RBFOX1: variants seen among roughly 807,000 people sequenced by gnomAD.
RBFOX1 encodes the protein RNA binding protein fox-1 homolog 1.
RBFOX1 carries 8 observed loss-of-function variants against 57.7 expected under a neutral mutation model. The ratio of observed to expected loss-of-function variants is 0.14; its 90% CI spans 0.08 to 0.25. The LOEUF (loss-of-function observed/expected upper bound fraction) is 0.25, where lower values mean the gene tolerates loss of function less well. RBFOX1 is among the 10% of genes least tolerant of loss of function. RBFOX1 has a pLI of 1.00. For missense variants in RBFOX1, 611 were observed against 548.5 expected (o/e 1.11, Z -1.14); for synonymous variants, 326 against 222.4 (o/e 1.47, Z -4.15).
intron 4 of RBFOX1, among the ~76,000 whole-genome samples, chr16:7,190,146 A>G (rs1360388341): frequency 1.3e-5 from 2 of 152,282 alleles, no homozygotes; most frequent in South Asian, 4.2e-4. Context: ...AGATTGTTCT[A>G]GGTCAGGAGT....
intron 4 of RBFOX1, among the ~76,000 whole-genome samples, chr16:7,321,467 A>T (rs1236321209): frequency 6.6e-6 from 1 of 152,138 alleles, no homozygotes; most frequent in Non-Finnish European, 1.5e-5. Flanking sequence ...GTTTTCAAAA[A>T]ACAAACAAAC....
At chr16:7,033,848 G>A (rs988112504) in intron 3 of RBFOX1, among the ~76,000 whole-genome samples, 1 of 151,930 alleles carries the variant, frequency 6.6e-6, no homozygotes, top group African/African-American at 2.4e-5. Context: ...ATCTGCCTGT[G>A]GGCCCAGCTA....
chr16:5,951,943 C>T (rs2059528651), intron 4 of RBFOX1, among the ~76,000 whole-genome samples: 1 of 151,578 alleles, frequency 6.6e-6, no homozygotes. Context: ...ACGTCAGAAT[C>T]ACCTGTGCTG....
At chr16:7,076,655 C>G (rs1373516492) in intron 4 of RBFOX1, among the ~76,000 whole-genome samples, 6 of 152,188 alleles carry the variant, frequency 3.9e-5, no homozygotes, top group Admixed American at 2.0e-4. Context: ...AATATACCAT[C>G]ATACTAACAA....
chr16:5,508,916 C>G (rs560508546), intron 2 of RBFOX1, among the ~76,000 whole-genome samples: 1 of 152,298 alleles, frequency 6.6e-6, no homozygotes, highest in South Asian at 2.1e-4. Flanking sequence ...GGTTCTGCCG[C>G]GTCTCTCCAG....
chr16:7,581,365 G>A (rs542704908), intron 6 of RBFOX1, among the ~76,000 whole-genome samples: 65 of 152,272 alleles, frequency 4.3e-4, no homozygotes, highest in African/African-American at 1.3e-3. Flanking sequence ...GTAAGACCAG[G>A]TGTGAATGAT....
At chr16:5,736,143 G>A (rs1256449137) in intron 3 of RBFOX1, among the ~76,000 whole-genome samples, 3 of 151,988 alleles carry the variant, frequency 2.0e-5, no homozygotes, top group East Asian at 1.9e-4. Flanking sequence ...TGTTACACGT[G>A]GACCCGTGGA....
chr16:5,726,344 C>T (rs1048179030), intron 3 of RBFOX1, among the ~76,000 whole-genome samples: 5 of 152,104 alleles, frequency 3.3e-5, no homozygotes, highest in Non-Finnish European at 7.4e-5. Context: ...CATGCTATGA[C>T]CGGCCCTCTC....
chr16:7,352,126 C>T (rs73565841), intron 4 of RBFOX1, among the ~76,000 whole-genome samples: 1 of 152,130 alleles, frequency 6.6e-6, no homozygotes, highest in Admixed American at 6.5e-5. Context: ...CAAAGCACCC[C>T]ACGGCAGAAA....
rs548002325 is a variant in RBFOX1 at position 7,195,046 on chromosome 16, A to AG, written c.27+142949dup. On this transcript the variant is annotated intron_variant, in intron 4 of 15. Coordinates refer to ENST00000550418, the MANE Select transcript of RBFOX1 (RefSeq NM_018723.4). ...AGTTGTTTATTGTTCTTCTAATTCTAGCAACAAAACTTTAAAAAATTATAC... is the reference window on the plus strand; with the variant it reads ...AGTTGTTTATTGTTCTTCTAATTCTAGGCAACAAAACTTTAAAAAATTATAC... Among the ~76,000 whole-genome samples the AG allele has an allele frequency of 2.5e-3, 306 of 124,240 alleles. 2 individuals are homozygous for AG. The highest frequency in any genetic ancestry group is 8.2e-3 in the African/African-American group (288 of 35,152). The allele number at this position is 124,240 out of a possible 152,430, so 81.5% of individuals were successfully genotyped here. A position where few individuals can be genotyped will look rare whatever the true frequency, so the allele number is the denominator to read the frequency against.
exon 3 of RBFOX1, chr16:5,598,972 G>A (rs1284604399): frequency 6.6e-7 from 1 of 1,523,498 alleles, no homozygotes; most frequent in Non-Finnish European, 8.8e-7. Context: ...GTAAGTAGAA[G>A]CATTTTGCTG....
chr16:6,668,917 G>T (rs1031874567), intron 3 of RBFOX1, among the ~76,000 whole-genome samples: 1 of 152,110 alleles, frequency 6.6e-6, no homozygotes, highest in African/African-American at 2.4e-5. Flanking sequence ...TTCAAAGATT[G>T]TTCTGTCATC....
chr16:6,483,450 C>G (rs750224133), intron 2 of RBFOX1: 2 of 1,535,598 alleles, frequency 1.3e-6, no homozygotes, highest in East Asian at 2.4e-5. Flanking sequence ...CGGACTTCTC[C>G]CGTGCTGTGT....
chr16:7,400,657 A>G (rs1238170835), intron 4 of RBFOX1, among the ~76,000 whole-genome samples: 1 of 152,172 alleles, frequency 6.6e-6, no homozygotes, highest in Non-Finnish European at 1.5e-5. Context: ...TTCTTCAGCC[A>G]TTTGGAGGTT....
chr16:7,559,217 A>T (rs2152653434), intron 5 of RBFOX1, among the ~76,000 whole-genome samples: 1 of 152,348 alleles, frequency 6.6e-6, no homozygotes, highest in Non-Finnish European at 1.5e-5. Context: ...AAAGTATCAA[A>T]TAGTCAGTGG....
intron 3 of RBFOX1, among the ~76,000 whole-genome samples, chr16:7,032,732 G>C (rs894164784): frequency 6.6e-6 from 1 of 151,956 alleles, no homozygotes; most frequent in African/African-American, 2.4e-5. Context: ...AATTTCACTT[G>C]TTATTTTGTT....
At chr16:7,224,358 A>G (rs989205801) in intron 4 of RBFOX1, among the ~76,000 whole-genome samples, 1 of 152,178 alleles carries the variant, frequency 6.6e-6, no homozygotes, top group Non-Finnish European at 1.5e-5. Flanking sequence ...AGCCATTTTC[A>G]GTCCCATTGA....
intron 3 of RBFOX1, among the ~76,000 whole-genome samples, chr16:6,682,518 C>A (rs768943030): frequency 1.3e-5 from 2 of 152,122 alleles, no homozygotes; most frequent in Non-Finnish European, 2.9e-5. Flanking sequence ...AAGGGTTTCT[C>A]AATCTTGGCA....
intron 2 of RBFOX1, among the ~76,000 whole-genome samples, chr16:6,637,547 G>A (rs74944381): frequency 1.1e-3 from 9 of 8,052 alleles, no homozygotes; most frequent in East Asian, 0.013. Context: ...TATACAATCT[G>A]CATAGTATAT....
Sources: gnomAD v4.1 joint callset for allele counts (sites outside exome capture counted in the v4.1 genomes callset) on GRCh38, gnomAD v4.1.1 for gene constraint, MANE v1.5 for transcripts, NCBI Gene and HGNC (gene_info 2026-07-23, HGNC 2026-07-21) for gene names.